TENT2: variants seen among roughly 807,000 people sequenced by gnomAD.
TENT2 encodes the protein terminal nucleotidyltransferase 2.
TENT2 carries 44 observed loss-of-function variants against 72.2 expected under a neutral mutation model. That is an observed-to-expected ratio of 0.61 (90% CI 0.48 to 0.78). TENT2 has a LOEUF of 0.78. Among genes scored for constraint, TENT2 ranks in the 30% least tolerant of loss-of-function variants. The pLI, the probability that TENT2 is intolerant of heterozygous loss-of-function variation, is 0.00. For synonymous variants in TENT2, 212 were observed against 192.5 expected, an observed-to-expected ratio of 1.10 and a Z score of -0.84; for missense variants, 541 against 569.6, an observed-to-expected ratio of 0.95 and a Z score of 0.51.
chr5:79,619,154 A>G (rs915969769), intron 1 of TENT2, among the ~76,000 whole-genome samples: 8 of 152,204 alleles, frequency 5.3e-5, no homozygotes, highest in Non-Finnish European at 8.8e-5. Context: ...GAATCTCAGA[A>G]TCTTATAAAT....
chr5:79,652,930 C>T (rs1325706589), intron 10 of TENT2, among the ~76,000 whole-genome samples: 1 of 151,478 alleles, frequency 6.6e-6, no homozygotes, highest in African/African-American at 2.4e-5. Context: ...TTACAGTTTA[C>T]TTTCATTAAA....
intron 1 of TENT2, among the ~76,000 whole-genome samples, chr5:79,617,787 C>T (rs916300463): frequency 2.6e-5 from 4 of 152,164 alleles, no homozygotes; most frequent in Non-Finnish European, 4.4e-5. Context: ...AGTCCATGTC[C>T]TGTGCTATTG....
chr5:79,668,653 T>C, intron 11 of TENT2: 1 of 402,226 alleles, frequency 2.5e-6, no homozygotes, highest in Non-Finnish European at 4.5e-6. Context: ...GCGATCTGTT[T>C]GGTTAACTGA....
intron 7 of TENT2, 163 bp from the exon 8 acceptor site, chr5:79,644,960 C>T (rs16876991): frequency 0.073 from 39,424 of 542,328 alleles, 1,735 homozygotes; most frequent in African/African-American, 0.15. Context: ...CTGGAGCCTC[C>T]AACCTTAGAA....
chr5:79,627,721 G>T (rs2150104658), intron 4 of TENT2, among the ~76,000 whole-genome samples: 1 of 152,286 alleles, frequency 6.6e-6, no homozygotes. Flanking sequence ...CTGACCTTAG[G>T]TGAACCACCC....
intron 1 of TENT2, among the ~76,000 whole-genome samples, chr5:79,616,284 C>T (rs1415024873): frequency 1.4e-5 from 2 of 148,014 alleles, no homozygotes; most frequent in Non-Finnish European, 3.0e-5. Context: ...CTGCAACCTC[C>T]GCCTCCCAGG....
chr5:79,617,012 T>G (rs1466894482), intron 1 of TENT2, among the ~76,000 whole-genome samples: 1 of 152,086 alleles, frequency 6.6e-6, no homozygotes. Context: ...AGATTTTTCT[T>G]TTTCTCCCCT....
At chr5:79,674,225 T>TA (rs952518424) in intron 12 of TENT2, among the ~76,000 whole-genome samples, 5 of 151,946 alleles carry the variant, frequency 3.3e-5, no homozygotes, top group East Asian at 1.9e-4. Context: ...CTACTACAAA[T>TA]AAAAAAATTA....
At chr5:79,675,466 T>C (rs896331873) in intron 12 of TENT2, among the ~76,000 whole-genome samples, 19 of 152,202 alleles carry the variant, frequency 1.2e-4, no homozygotes, top group African/African-American at 4.1e-4. Flanking sequence ...AATTGTCATA[T>C]ACTAGAGTAA....
At chr5:79,655,892 G>T (rs566449207) in intron 10 of TENT2, among the ~76,000 whole-genome samples, 37 of 151,976 alleles carry the variant, frequency 2.4e-4, no homozygotes, top group African/African-American at 8.7e-4. Context: ...TTTGTACTGC[G>T]TGGTAAAAAT....
At chr5:79,668,302 T>A (rs1040492571) in intron 11 of TENT2, among the ~76,000 whole-genome samples, 1 of 152,170 alleles carries the variant, frequency 6.6e-6, no homozygotes, top group African/African-American at 2.4e-5. Flanking sequence ...TCATTTTCCC[T>A]GCCTTCTTTG....
chr5:79,679,719 A>AC (rs757028289), intron 13 of TENT2, 49 bp downstream of exon 13: 2 of 1,068,734 alleles, frequency 1.9e-6, no homozygotes, highest in Non-Finnish European at 2.6e-6. Flanking sequence ...TAAGAGAATT[A>AC]CTTGAGTAAT....
At chr5:79,615,976 C>A (rs1336357694) in intron 1 of TENT2, among the ~76,000 whole-genome samples, 1 of 152,028 alleles carries the variant, frequency 6.6e-6, no homozygotes, top group Non-Finnish European at 1.5e-5. Flanking sequence ...GTAACCTCTG[C>A]TTGCCAGGTT....
chr5:79,626,784 A>G (rs1231618629), intron 4 of TENT2, among the ~76,000 whole-genome samples: 2 of 129,506 alleles, frequency 1.5e-5, no homozygotes, highest in African/African-American at 3.6e-5. Flanking sequence ...TTTAAAGACT[A>G]TCGTGGATAT....
At position 79,682,587 on chromosome 5, in the gene TENT2, A is replaced by G. The variant is rs528866045; in HGVS notation, c.1380+526A>G. Reference sequence around the variant, plus strand: ...GGCATGAGCCACCATGCCCTACCGAAATAAGCATTTTCGTAGTGAGCTTAT... The same window carrying G: ...GGCATGAGCCACCATGCCCTACCGAGATAAGCATTTTCGTAGTGAGCTTAT... On this transcript the variant is annotated intron_variant, in intron 14 of 14. Coordinates refer to ENST00000453514, the MANE Select transcript of TENT2 (RefSeq NM_001114394.3). Among the ~76,000 whole-genome samples the G allele has an allele frequency of 2.8e-4, 43 of 152,116 alleles. 1 individual carries two copies. The South Asian group carries it at 8.7e-3, about 31-fold the overall frequency.
At chr5:79,613,675 G>A (rs1027952738) in intron 1 of TENT2, among the ~76,000 whole-genome samples, 18 of 152,158 alleles carry the variant, frequency 1.2e-4, no homozygotes, top group Admixed American at 3.3e-4. Flanking sequence ...TGTGAAATAG[G>A]CCGTTTATGA....
rs531121798 is a variant in TENT2, at chr5:79,686,799, T to C, written c.*1526T>C. 3.9e-5 allele frequency among the ~76,000 whole-genome samples: 6 copies of C among 152,194 alleles called. No homozygotes were observed. Among genetic ancestry groups the C allele is most frequent in the Non-Finnish European group, 5.9e-5 (4 of 68,016 alleles). ...ATTATGAGGAATGAAAGTTTACACATAGTGAATTTTTTAGATTCCTGATGT... is the reference window on the plus strand; with the variant it reads ...ATTATGAGGAATGAAAGTTTACACACAGTGAATTTTTTAGATTCCTGATGT... On this transcript the variant is annotated 3_prime_UTR_variant, in exon 15 of 15. Coordinates refer to ENST00000453514, the MANE Select transcript of TENT2 (RefSeq NM_001114394.3).
intron 4 of TENT2, among the ~76,000 whole-genome samples, chr5:79,628,461 A>T (rs1157114167): frequency 6.6e-6 from 1 of 152,196 alleles, no homozygotes; most frequent in Non-Finnish European, 1.5e-5. Flanking sequence ...AAGATGGTTG[A>T]TCCCCTTGAA....
intron 4 of TENT2, among the ~76,000 whole-genome samples, chr5:79,630,293 T>C (rs1196430208): frequency 6.6e-6 from 1 of 151,624 alleles, no homozygotes; most frequent in Non-Finnish European, 1.5e-5. Context: ...ATGAGTTAAC[T>C]AGTTAAAGAG....
Sources: allele counts gnomAD v4.1 joint callset (sites outside exome capture counted in the v4.1 genomes callset), GRCh38; gene constraint gnomAD v4.1.1; transcripts MANE v1.5; gene names NCBI Gene and HGNC (gene_info 2026-07-23, HGNC 2026-07-21).